Variants in PSG7 observed in about 807,000 individuals in gnomAD.
The protein encoded by PSG7 is pregnancy specific beta-1-glycoprotein 7.
PSG7 carries 57 observed loss-of-function variants against 45.6 expected under a neutral mutation model. The ratio of observed to expected loss-of-function variants is 1.25; its 90% CI spans 1.01 to 1.56. The LOEUF (loss-of-function observed/expected upper bound fraction) is 1.56. Ranked by LOEUF, PSG7 falls within the 40% of genes most tolerant of loss-of-function variation. PSG7 has a pLI of 0.00. For missense variants in PSG7, 796 were observed against 508.4 expected, an observed-to-expected ratio of 1.57 and a Z score of -5.44; for synonymous variants, 298 against 194.4, an observed-to-expected ratio of 1.53 and a Z score of -4.43.
intron 4 of PSG7, 41 bp downstream of exon 4, chr19:42,926,397 C>A (rs746631287): frequency 6.2e-7 from 1 of 1,606,082 alleles, no homozygotes; most frequent in East Asian, 2.2e-5. Flanking sequence ...AAGCTGGTGT[C>A]CTGGCCCACA....
chr19:42,933,569 G>T (rs1313266793), intron 2 of PSG7, among the ~76,000 whole-genome samples: 2 of 150,062 alleles, frequency 1.3e-5, no homozygotes, highest in Admixed American at 1.3e-4. Context: ...TGGGAGGTGG[G>T]CCAGGCCACA....
chr19:42,930,399 G>A (rs550086995), intron 2 of PSG7, among the ~76,000 whole-genome samples: 7 of 151,594 alleles, frequency 4.6e-5, no homozygotes, highest in Admixed American at 4.6e-4. Context: ...AAAGAGTGAA[G>A]GGGACAGGCA....
At chr19:42,929,868 C>T (rs1260926141) in intron 2 of PSG7, 148 bp from the exon 3 acceptor site, 2 of 1,302,548 alleles carry the variant, frequency 1.5e-6, no homozygotes, top group Non-Finnish European at 2.1e-6. Context: ...AAGACAGATG[C>T]ATGGCAATCT....
chr19:42,935,386 C>T lies in PSG7; in HGVS notation c.430+18G>A, dbSNP rs200489351. The T allele has an allele frequency of 2.6e-4, 422 of 1,609,580 alleles. 10 individuals carry two copies. Among genetic ancestry groups the T allele is most frequent in the South Asian group, 1.2e-3 (110 of 90,210 alleles). ...ACCCCTGCCCCCCAACACCCAGGGA[C>T]CATGTGGAATCACTCACGGTATAAG... On this transcript the variant is annotated intron_variant, in intron 2 of 5. Coordinates refer to ENST00000406070, the MANE Select transcript of PSG7 (RefSeq NM_002783.3).
chr19:42,930,352 C>T (rs1258388273), intron 2 of PSG7, among the ~76,000 whole-genome samples: 3 of 151,488 alleles, frequency 2.0e-5, no homozygotes, highest in East Asian at 3.9e-4. Flanking sequence ...GAGCCAGTGA[C>T]CTCTAAAGAT....
chr19:42,935,683 C>G lies in PSG7; in HGVS notation c.151G>C (p.Val51Leu). ...GGCAAATTGTGGACAAGTAGAAGAA[C>G]ATCCTTCCCCTCGGAAACTTTTGGT... ...QPPKVSEGKDVLLLVHNLPQN... is the reference protein window; with the variant it reads ...QPPKVSEGKDLLLLVHNLPQN... Residue 51 changes from valine (V) to leucine (L), a missense_variant, in exon 2 of 6, where the codon GTT (valine) becomes CTT (leucine). Coordinates refer to ENST00000406070, the MANE Select transcript of PSG7 (RefSeq NM_002783.3). The G allele has an allele frequency of 6.2e-7, 1 of 1,611,958 alleles. No individual in the cohort carries two copies. Among genetic ancestry groups the G allele is most frequent in the South Asian group, 1.1e-5 (1 of 90,778 alleles).
In PSG7 at chr19:42,935,508, A is replaced by G. The variant is rs782235805; in HGVS notation, c.326T>C (p.Ile109Thr). 3 of 1,612,186 alleles carry G rather than the reference A, an allele frequency of 1.9e-6. No individual in the cohort carries two copies. The highest frequency in any genetic ancestry group is 2.2e-5 in the East Asian group (1 of 44,780). Reference protein sequence around the residue: ...ETVYSNASLLIQNVTQEDTGS... With the variant: ...ETVYSNASLLTQNVTQEDTGS... Reference sequence around the variant, plus strand: ...TGTGTCTTCCTGGGTGACATTCTGGATCAGCAGGGATGCATTGGAATATAC... The same window carrying G: ...TGTGTCTTCCTGGGTGACATTCTGGGTCAGCAGGGATGCATTGGAATATAC... The change falls in exon 2 of 6, where the codon ATC (isoleucine) becomes ACC (threonine). Residue 109 changes from isoleucine to threonine, a missense_variant. Physicochemically the swap from Ile to Thr is moderately conservative, Grantham distance 89. Transcript: ENST00000406070.
At chr19:42,932,463 C>A (rs1445014607) in intron 2 of PSG7, among the ~76,000 whole-genome samples, 1 of 151,526 alleles carries the variant, frequency 6.6e-6, no homozygotes, top group Non-Finnish European at 1.5e-5. Context: ...AATGTGAGCT[C>A]CATAGCAGGT....
Position 42,929,558 on chromosome 19 carries a change from G to C in PSG7, c.593C>G (p.Thr198Ser), listed in dbSNP as rs891520998. The C allele has an allele frequency of 6.2e-7, 1 of 1,612,534 alleles. No homozygotes were observed. The highest frequency in any genetic ancestry group is 8.5e-7 in the Non-Finnish European group (1 of 1,179,262). ...ACCAAATAGGTAGAGGGTCCTGTTGGTTTCAGACAGCTGCAAGCTGTGAGT... is the reference window on the plus strand; with the variant it reads ...ACCAAATAGGTAGAGGGTCCTGTTGCTTTCAGACAGCTGCAAGCTGTGAGT... ...PMTHSLQLSE[T>S]NRTLYLFGVT... is the part of the protein sequence containing the mutation. The change falls in exon 3 of 6, where the codon ACC (threonine) becomes AGC (serine). Residue 198 changes from threonine (T) to serine (S), a missense_variant. Physicochemically the swap from Thr to Ser is moderately conservative, Grantham distance 58. Coordinates refer to ENST00000406070, the MANE Select transcript of PSG7 (RefSeq NM_002783.3).
At chr19:42,926,062 A>T (rs750455086) in intron 4 of PSG7, 35 bp from the exon 5 acceptor site, 10 of 1,604,580 alleles carry the variant, frequency 6.2e-6, no homozygotes, top group Non-Finnish European at 8.5e-6. Flanking sequence ...AGGTGATGTT[A>T]TCCGAGGGAA....
chr19:42,936,426 C>T (rs866774891), intron 1 of PSG7: 9 of 155,776 alleles, frequency 5.8e-5, no homozygotes, highest in Middle Eastern at 5.1e-3. Flanking sequence ...GTTTCATGCC[C>T]TGCTTATATT....
intron 2 of PSG7, among the ~76,000 whole-genome samples, chr19:42,930,412 A>G (rs1446756901): frequency 6.6e-6 from 1 of 151,572 alleles, no homozygotes; most frequent in Non-Finnish European, 1.5e-5. Flanking sequence ...GACAGGCAAG[A>G]GCTGATAGGT....
At chr19:42,933,637 G>A (rs1365230880) in intron 2 of PSG7, among the ~76,000 whole-genome samples, 1 of 150,678 alleles carries the variant, frequency 6.6e-6, no homozygotes, top group Non-Finnish European at 1.5e-5. Flanking sequence ...TCTGCGGAAG[G>A]CCTAGCAGTG....
chr19:42,924,303 A>C lies in PSG7; in HGVS notation c.*505T>G. The C allele has an allele frequency of 3.0e-6, 1 of 338,484 alleles. No individual in the cohort carries two copies. The highest frequency in any genetic ancestry group is 5.3e-6 in the Non-Finnish European group (1 of 188,426). 21.0% of individuals were successfully genotyped at this position (338,484 alleles called of 1,614,324 possible). The stretch of plus-strand genomic sequence containing the variant: ...TAGAAACCATCTTCTCTGCAAACAC[A>C]CAGGCAATATCTCTGTGTTCATTTC... On this transcript the variant is annotated 3_prime_UTR_variant, in exon 6 of 6. Coordinates refer to ENST00000406070, the MANE Select transcript of PSG7 (RefSeq NM_002783.3).
Position 42,935,544 on chromosome 19 carries a change from C to G in PSG7, c.290G>C (p.Gly97Ala), listed in dbSNP as rs1242875095. ...QIIKYGPAYS[G>A]RETVYSNASL... Reference sequence around the variant, plus strand: ...TGCATTGGAATATACTGTTTCTCGTCCACTGTATGCAGGCCCATATTTAAT... The same window carrying G: ...TGCATTGGAATATACTGTTTCTCGTGCACTGTATGCAGGCCCATATTTAAT... Residue 97 changes from glycine to alanine, a missense_variant, in exon 2 of 6, where the codon GGA (glycine) becomes GCA (alanine). By Grantham distance (60) the Gly-to-Ala change is moderately conservative. Coordinates refer to ENST00000406070, the MANE Select transcript of PSG7 (RefSeq NM_002783.3). 1 of 1,611,988 alleles carries G rather than the reference C, an allele frequency of 6.2e-7. No homozygotes were observed. The highest frequency in any genetic ancestry group is 8.5e-7 in the Non-Finnish European group (1 of 1,179,064).
intron 2 of PSG7, among the ~76,000 whole-genome samples, chr19:42,933,303 A>ATTTT (rs1418931958): frequency 1.0e-3 from 15 of 14,840 alleles, no homozygotes; most frequent in Non-Finnish European, 1.5e-3. Context: ...ATATATATAT[A>ATTTT]TATATTTTTT....
At chr19:42,930,842 A>G (rs1281762869) in intron 2 of PSG7, among the ~76,000 whole-genome samples, 1 of 151,604 alleles carries the variant, frequency 6.6e-6, no homozygotes, top group Non-Finnish European at 1.5e-5. Flanking sequence ...GATCTCCTGT[A>G]CAGCCTCATG....
intron 5 of PSG7, 84 bp downstream of exon 5, chr19:42,925,689 T>C: frequency 6.2e-7 from 1 of 1,603,868 alleles, no homozygotes; most frequent in Non-Finnish European, 8.5e-7. Flanking sequence ...AGGCTGGGAA[T>C]ACAAATGTTT....
chr19:42,930,816 A>T (rs183043845), intron 2 of PSG7, among the ~76,000 whole-genome samples: 2 of 151,532 alleles, frequency 1.3e-5, no homozygotes. Context: ...GTTATGCAGG[A>T]TGAGGGGGTT....
Sources: allele counts gnomAD v4.1 joint callset (sites outside exome capture counted in the v4.1 genomes callset), GRCh38; gene constraint gnomAD v4.1.1; transcripts MANE v1.5; gene names NCBI Gene and HGNC (gene_info 2026-07-23, HGNC 2026-07-21).